Variants in CASTOR1 observed in about 807,000 individuals in gnomAD.
CASTOR1 encodes GATS protein like 3.
Under a neutral mutation model 33.7 loss-of-function variants are expected in CASTOR1, and 18 were observed. That is an observed-to-expected ratio of 0.53 (90% CI 0.37 to 0.79). The LOEUF (loss-of-function observed/expected upper bound fraction) is 0.79. Among genes scored for constraint, CASTOR1 ranks in the 30% least tolerant of loss-of-function variants. CASTOR1 has a pLI of 0.00. For missense variants in CASTOR1, 362 were observed against 446.3 expected, an observed-to-expected ratio of 0.81 and a Z score of 1.70; for synonymous variants, 175 against 190.6, an observed-to-expected ratio of 0.92 and a Z score of 0.67.
Position 30,288,775 on chromosome 22 carries a change from A to T in CASTOR1, c.115T>A (p.Cys39Ser). Residue 39 changes from cysteine to serine, a missense_variant and splice_region_variant, in exon 2 of 9, where the codon TGC (cysteine) becomes AGC (serine). Physicochemically the swap from Cys to Ser is moderately radical, Grantham distance 112 (BLOSUM62 -1). Transcript: ENST00000407689. Reference sequence around the variant, plus strand: ...GTCTCCGTCAGGCTGAAGAACTTGCACCTGGTTGGGGGTGGGGAGCATCTT... The same window carrying T: ...GTCTCCGTCAGGCTGAAGAACTTGCTCCTGGTTGGGGGTGGGGAGCATCTT... The part of the protein sequence containing the change: ...KLLFLPRRSR[C>S]KFFSLTETPE... 6.2e-7 allele frequency: 1 copy of T among 1,610,758 alleles called. No homozygotes were observed. Among genetic ancestry groups the T allele is most frequent in the Non-Finnish European group, 8.5e-7 (1 of 1,178,680 alleles).
chr22:30,289,102 G>C, intron 1 of CASTOR1: 1 of 564,232 alleles, frequency 1.8e-6, no homozygotes, highest in East Asian at 3.2e-5. Context: ...CGTCCTGGAA[G>C]GAGCTCCCCG....
rs201324550 is a variant in CASTOR1 at position 30,288,735 on chromosome 22, G to A, written c.155C>T (p.Thr52Met). The A allele has an allele frequency of 4.2e-5, 68 of 1,612,580 alleles. No individual in the cohort carries two copies. Among genetic ancestry groups the A allele is most frequent in the Non-Finnish European group, 5.4e-5 (64 of 1,179,480 alleles). Residue 52 changes from threonine to methionine, a missense_variant, in exon 2 of 9, where the codon ACG (threonine) becomes ATG (methionine). Thr to Met is a moderately conservative substitution (Grantham distance 81). Transcript: ENST00000407689. ...FSLTETPEDY[T>M]LMVDEEGFKE... ...AAAGCCCTCCTCGTCCACCATAAGCGTGTAATCCTCAGGGGTCTCCGTCAG... is the reference window on the plus strand; with the variant it reads ...AAAGCCCTCCTCGTCCACCATAAGCATGTAATCCTCAGGGGTCTCCGTCAG...
Position 30,285,434 on chromosome 22 carries a change from C to A in CASTOR1, c.*186G>T. 2 of 559,084 alleles carry A rather than the reference C, an allele frequency of 3.6e-6. No homozygotes were observed. Among genetic ancestry groups the A allele is most frequent in the Non-Finnish European group, 3.2e-6 (1 of 316,872 alleles). The allele number at this position is 559,084 out of a possible 1,614,324, so 34.6% of individuals were successfully genotyped here. On this transcript the variant is annotated 3_prime_UTR_variant, in exon 9 of 9. Coordinates refer to ENST00000407689, the MANE Select transcript of CASTOR1 (RefSeq NM_001037666.3). Reference sequence around the variant, plus strand: ...GTCAGGCTAGCACCTGCCCACTCCACCTGTGAGTGTACACAGGTGTCCGCG... The same window carrying A: ...GTCAGGCTAGCACCTGCCCACTCCAACTGTGAGTGTACACAGGTGTCCGCG...
At chr22:30,289,209 GGGCCGGATAGGCGGCGGTCCCCCA>G (rs1929868169) in intron 1 of CASTOR1, 152 bp downstream of exon 1, 1 of 600,652 alleles carries the variant, frequency 1.7e-6, no homozygotes, top group Non-Finnish European at 2.9e-6. Context: ...GGGCCTCACG[GGGCCGGATAGGCGGCGGTCCCCCA>G]GGCCGGATGG....
chr22:30,285,766 G>A (rs748712648), intron 8 of CASTOR1, 66 bp downstream of exon 8: 27 of 1,126,274 alleles, frequency 2.4e-5, no homozygotes, highest in Non-Finnish European at 3.0e-5. Context: ...GCCCAGCTGA[G>A]ACTACCTCCT....
rs1929755795 is a variant in CASTOR1 at position 30,286,069 on chromosome 22, G to A, written c.773C>T (p.Ser258Phe). 2 of 1,581,118 alleles carry A rather than the reference G, an allele frequency of 1.3e-6. No individual in the cohort carries two copies. Among genetic ancestry groups the A allele is most frequent in the Non-Finnish European group, 1.7e-6 (2 of 1,161,728 alleles). ...CACCATCCTCCACAGCTCCCCCGAG[G>A]AGCTGGTCAGCAGGAGGTCACTGGG... ...KFPSDLLLTS[S>F]SGELWRMVRI... The change falls in exon 7 of 9, where the codon TCC (serine) becomes TTC (phenylalanine). Residue 258 changes from serine to phenylalanine, a missense_variant. Ser to Phe is a radical substitution (Grantham distance 155, BLOSUM62 -2). Coordinates refer to ENST00000407689, the MANE Select transcript of CASTOR1 (RefSeq NM_001037666.3).
Position 30,287,255 on chromosome 22 carries a change from G to A in CASTOR1, c.405C>T (p.His135=). 1 of 1,582,082 alleles carries A rather than the reference G, an allele frequency of 6.3e-7. No homozygotes were observed. The highest frequency in any genetic ancestry group is 1.2e-5 in the South Asian group (1 of 85,868). Residue 135 remains histidine (H), a synonymous_variant, in exon 4 of 9, where the codon CAC becomes CAT. Coordinates refer to ENST00000407689, the MANE Select transcript of CASTOR1 (RefSeq NM_001037666.3). ...AAATGTCGAACTCCTGGGCCAGCGT[G>A]TGGATCACCACGGACAGGTCCTGCT... ...VREQDLSVVI[H]TLAQEFDIYR...
At chr22:30,287,696 C>A in intron 2 of CASTOR1, 136 bp from the exon 3 acceptor site, 2 of 834,080 alleles carry the variant, frequency 2.4e-6, no homozygotes, top group Non-Finnish European at 3.9e-6. Context: ...CTCCTGAAGT[C>A]CCTATGTGTG....
intron 2 of CASTOR1, chr22:30,288,075 C>A (rs1009327928): frequency 6.5e-5 from 23 of 354,136 alleles, no homozygotes; most frequent in Admixed American, 3.8e-5. Context: ...AGCTAGCTGG[C>A]CTGAGACTCC....
intron 1 of CASTOR1, 48 bp from the exon 2 acceptor site, chr22:30,288,824 G>A (rs779680340): frequency 6.6e-7 from 1 of 1,515,322 alleles, no homozygotes; most frequent in African/African-American, 1.4e-5. Flanking sequence ...AGAACTAGGG[G>A]TCGGGAGTGG....
Position 30,287,225 on chromosome 22 carries a change from G to A in CASTOR1, c.435C>T (p.Arg145=), listed in dbSNP as rs199533681. 79 of 1,598,058 alleles carry A rather than the reference G, an allele frequency of 4.9e-5. No individual in the cohort carries two copies. Among genetic ancestry groups the A allele is most frequent in the South Asian group, 1.3e-4 (12 of 89,152 alleles). The change falls in exon 4 of 9, where the codon CGC becomes CGT. Residue 145 remains arginine (R), a synonymous_variant. Coordinates refer to ENST00000407689, the MANE Select transcript of CASTOR1 (RefSeq NM_001037666.3). ...CAGGCACAGGCTCTCCGCCCACCTCGCGGTAAATGTCGAACTCCTGGGCCA... is the reference window on the plus strand; with the variant it reads ...CAGGCACAGGCTCTCCGCCCACCTCACGGTAAATGTCGAACTCCTGGGCCA... ...HTLAQEFDIY[R]EVGGEPVPVT...
At position 30,285,658 on chromosome 22, in the gene CASTOR1, C is replaced by T. The variant is rs201767342; in HGVS notation, c.952G>A (p.Glu318Lys). 4.6e-5 allele frequency: 73 copies of T among 1,572,130 alleles called. No individual in the cohort carries two copies. Among genetic ancestry groups the T allele is most frequent in the Middle Eastern group, 2.1e-4 (1 of 4,772 alleles). Residue 318 changes from glutamate to lysine, a missense_variant, in exon 9 of 9, where the codon GAG becomes AAG. Coordinates refer to ENST00000407689, the MANE Select transcript of CASTOR1 (RefSeq NM_001037666.3). ...VPEDGIGSVIEVLQRRQEGLA... is the reference protein window; with the variant it reads ...VPEDGIGSVIKVLQRRQEGLA... ...CCTTCCTGCCGCCGCTGGAGGACCT[C>T]GATGACGCTGCCGATACCGTCCTCG...
In CASTOR1 at chr22:30,287,267, G is replaced by A. The variant is rs377272415; in HGVS notation, c.393C>T (p.Ser131=). 2.4e-5 allele frequency: 38 copies of A among 1,576,258 alleles called. No individual in the cohort carries two copies. In the African/African-American group the frequency reaches 2.4e-4, roughly 10 times the overall value. The change falls in exon 4 of 9, where the codon TCC becomes TCT. Residue 131 remains serine, a synonymous_variant. Coordinates refer to ENST00000407689, the MANE Select transcript of CASTOR1 (RefSeq NM_001037666.3). ...CCTGGGCCAGCGTGTGGATCACCAC[G>A]GACAGGTCCTGCTCCCGCACCTGGG... ...DFILVREQDL[S]VVIHTLAQEF...
rs768939653 is a variant in CASTOR1, at chr22:30,287,386, G to A, written c.359C>T (p.Thr120Met). Residue 120 changes from threonine (T) to methionine (M), a missense_variant, in exon 3 of 9, where the codon ACG becomes ATG. Coordinates refer to ENST00000407689, the MANE Select transcript of CASTOR1 (RefSeq NM_001037666.3). ...VSVLMLSTYQ[T>M]DFILVREQDL... The stretch of plus-strand genomic sequence containing the variant: ...CAGGAAACTCACCAGGATGAAGTCC[G>A]TCTGGTAAGTGGACAGCATCAGCAC... 6.8e-6 allele frequency: 11 copies of A among 1,612,012 alleles called. No homozygotes were observed. Among genetic ancestry groups the A allele is most frequent in the East Asian group, 2.2e-5 (1 of 44,862 alleles).
intron 4 of CASTOR1, 64 bp downstream of exon 4, chr22:30,287,091 G>A (rs1289325312): frequency 1.3e-6 from 2 of 1,558,012 alleles, no homozygotes; most frequent in Non-Finnish European, 1.7e-6. Context: ...GGGCCCAAAA[G>A]GGAAGGGACC....
chr22:30,287,899 T>A (rs370293092), intron 2 of CASTOR1: 25 of 534,802 alleles, frequency 4.7e-5, no homozygotes, highest in African/African-American at 2.1e-4. Context: ...CTCACTACGG[T>A]GTCTTCTGTG....
chr22:30,287,279 C>T lies in CASTOR1; in HGVS notation c.381G>A (p.Glu127=). ...TYQTDFILVR[E]QDLSVVIHTL... ...TGTGGATCACCACGGACAGGTCCTG[C>T]TCCCGCACCTGGGCCACAGCAGATG... Residue 127 remains glutamate (E), a synonymous_variant, in exon 4 of 9, where the codon GAG becomes GAA. Transcript: ENST00000407689. The T allele has an allele frequency of 6.4e-7, 1 of 1,573,358 alleles. No homozygotes were observed. The highest frequency in any genetic ancestry group is 8.7e-7 in the Non-Finnish European group (1 of 1,155,554).
At position 30,288,781 on chromosome 22, in the gene CASTOR1, T is replaced by C. The variant is rs1374715153; in HGVS notation, c.114-5A>G. On this transcript the variant is annotated splice_region_variant and splice_polypyrimidine_tract_variant and intron_variant, in intron 1 of 8. Coordinates refer to ENST00000407689, the MANE Select transcript of CASTOR1 (RefSeq NM_001037666.3). Reference sequence around the variant, plus strand: ...GTCAGGCTGAAGAACTTGCACCTGGTTGGGGGTGGGGAGCATCTTCAGCTT... The same window carrying C: ...GTCAGGCTGAAGAACTTGCACCTGGCTGGGGGTGGGGAGCATCTTCAGCTT... 6.2e-7 allele frequency: 1 copy of C among 1,609,666 alleles called. No homozygotes were observed. The highest frequency in any genetic ancestry group is 1.7e-5 in the Admixed American group (1 of 58,902).
rs1273363558 is a variant in CASTOR1 at position 30,285,780 on chromosome 22, G to T, written c.921+52C>A. ...GGCCCAGCTGAGACTACCTCCTGCCGCCCACATTTCTGGGCCTCACTCTCC... is the reference window on the plus strand; with the variant it reads ...GGCCCAGCTGAGACTACCTCCTGCCTCCCACATTTCTGGGCCTCACTCTCC... On this transcript the variant is annotated intron_variant, in intron 8 of 8. Coordinates refer to ENST00000407689, the MANE Select transcript of CASTOR1 (RefSeq NM_001037666.3). 11 of 271,292 alleles carry T rather than the reference G, an allele frequency of 4.1e-5. No homozygotes were observed. The East Asian group carries it at 1.8e-3, about 45-fold the overall frequency. 16.8% of individuals were successfully genotyped at this position (271,292 alleles called of 1,614,324 possible).
Sources: allele counts gnomAD v4.1 joint callset, GRCh38; gene constraint gnomAD v4.1.1; transcripts MANE v1.5; gene names NCBI Gene and HGNC (gene_info 2026-07-23, HGNC 2026-07-21).